NRG1: variants seen among roughly 807,000 people sequenced by gnomAD.
NRG1 encodes pro-neuregulin-1, membrane-bound isoform.
NRG1 carries 18 observed loss-of-function variants against 63.8 expected under a neutral mutation model. The ratio of observed to expected loss-of-function variants is 0.28; its 90% CI spans 0.19 to 0.42. The LOEUF (loss-of-function observed/expected upper bound fraction) is 0.42, where lower values mean the gene tolerates loss of function less well. NRG1 is among the 10% of genes least tolerant of loss of function. The pLI is 1.00. For synonymous variants in NRG1, 302 were observed against 301.3 expected, an observed-to-expected ratio of 1.00 and a Z score of -0.02; for missense variants, 762 against 814.7, an observed-to-expected ratio of 0.94 and a Z score of 0.79.
chr8:32,549,089 G>A (rs376169354), intron 1 of NRG1, among the ~76,000 whole-genome samples: 2 of 152,228 alleles, frequency 1.3e-5, no homozygotes, highest in African/African-American at 4.8e-5. Context: ...AGTCCCGGGA[G>A]CGCTTCGCTC....
chr8:32,691,748 T>A (rs73675419), intron 5 of NRG1, among the ~76,000 whole-genome samples: 2,960 of 152,272 alleles, frequency 0.019, 101 homozygotes, highest in African/African-American at 0.068. Flanking sequence ...ATGGGAATTG[T>A]TGTTGTGATT....
At chr8:32,590,617 G>A (rs1842363918) in intron 1 of NRG1, among the ~76,000 whole-genome samples, 1 of 152,124 alleles carries the variant, frequency 6.6e-6, no homozygotes, top group Non-Finnish European at 1.5e-5. Flanking sequence ...GCCTTATAAA[G>A]TTATTCCTGG....
chr8:32,727,905 G>C (rs3735775), intron 5 of NRG1, 44 bp from the exon 6 acceptor site: 1 of 1,595,186 alleles, frequency 6.3e-7, no homozygotes, highest in Non-Finnish European at 8.6e-7. Flanking sequence ...TTAGAAGGGG[G>C]AAAAAAAGTC....
At chr8:32,101,455 A>G (rs1208425807) in intron 1 of NRG1, among the ~76,000 whole-genome samples, 4 of 148,214 alleles carry the variant, frequency 2.7e-5, no homozygotes, top group Non-Finnish European at 4.5e-5. Context: ...TCTTTTTCAT[A>G]CCTTCTTGTT....
At chr8:32,728,218 T>G in intron 6 of NRG1, 140 bp downstream of exon 6, 1 of 1,471,212 alleles carries the variant, frequency 6.8e-7, no homozygotes, top group Non-Finnish European at 9.0e-7. Context: ...TAGAGTGTTT[T>G]AAAACATTCA....
At chr8:32,282,508 A>G (rs1173453898) in intron 1 of NRG1, among the ~76,000 whole-genome samples, 4 of 152,180 alleles carry the variant, frequency 2.6e-5, no homozygotes, top group Admixed American at 6.5e-5. Flanking sequence ...TTCCTGGTTC[A>G]GAGAGAGCTA....
chr8:32,200,107 G>A (rs891826128), intron 1 of NRG1, among the ~76,000 whole-genome samples: 2 of 152,012 alleles, frequency 1.3e-5, no homozygotes, highest in African/African-American at 4.8e-5. Context: ...GACTCACCAG[G>A]GAATTTTCTT....
intron 1 of NRG1, among the ~76,000 whole-genome samples, chr8:32,368,166 A>G (rs1587124285): frequency 6.6e-6 from 1 of 152,346 alleles, no homozygotes; most frequent in East Asian, 1.9e-4. Flanking sequence ...AAATACTTCC[A>G]AAGAAAAAAG....
chr8:31,699,198 A>ATT (rs11378443), intron 1 of NRG1, among the ~76,000 whole-genome samples: 1 of 151,970 alleles, frequency 6.6e-6, no homozygotes, highest in African/African-American at 2.4e-5. Context: ...AGTTAATAAC[A>ATT]TTTTTTTCCT....
intron 1 of NRG1, among the ~76,000 whole-genome samples, chr8:32,509,430 C>G (rs896680009): frequency 6.6e-6 from 1 of 151,992 alleles, no homozygotes; most frequent in Non-Finnish European, 1.5e-5. Flanking sequence ...ACTTTGTAAT[C>G]TTAAAAAAAA....
At chr8:32,182,213 G>A (rs1483846891) in intron 1 of NRG1, among the ~76,000 whole-genome samples, 1 of 152,046 alleles carries the variant, frequency 6.6e-6, no homozygotes, top group East Asian at 1.9e-4. Context: ...AAAACACAGA[G>A]AGGAGTATGG....
intron 1 of NRG1, among the ~76,000 whole-genome samples, chr8:32,403,554 T>G (rs1367204371): frequency 1.3e-5 from 2 of 152,196 alleles, no homozygotes; most frequent in Non-Finnish European, 2.9e-5. Flanking sequence ...TGTTTGAACC[T>G]GACAAGGAAA....
intron 1 of NRG1, among the ~76,000 whole-genome samples, chr8:32,282,898 TA>T (rs373294000): frequency 4.4e-4 from 67 of 152,208 alleles, no homozygotes; most frequent in African/African-American, 1.6e-3. Context: ...GAAGACAGGT[TA>T]AAAAAGAAAA....
At chr8:32,118,356 C>T (rs769216345) in intron 1 of NRG1, among the ~76,000 whole-genome samples, 3 of 151,460 alleles carry the variant, frequency 2.0e-5, no homozygotes, top group Non-Finnish European at 4.4e-5. Flanking sequence ...TTCCTCTTCC[C>T]CCTCTCTCTC....
chr8:31,923,038 G>A (rs537758881), intron 1 of NRG1, among the ~76,000 whole-genome samples: 1 of 151,900 alleles, frequency 6.6e-6, no homozygotes, highest in Admixed American at 6.6e-5. Flanking sequence ...ATAGAAAGTA[G>A]GCAAGAAGGA....
chr8:32,511,343 G>C (rs912993384), intron 1 of NRG1, among the ~76,000 whole-genome samples: 5 of 140,802 alleles, frequency 3.6e-5, no homozygotes, highest in Admixed American at 7.4e-5. Context: ...GTGTGTGTGT[G>C]TGTCTGTCTG....
At chr8:31,673,479 T>C (rs896963232) in intron 1 of NRG1, among the ~76,000 whole-genome samples, 2 of 152,196 alleles carry the variant, frequency 1.3e-5, no homozygotes, top group African/African-American at 4.8e-5. Context: ...TGGTAGCTAC[T>C]GAGGAAAACC....
In NRG1 at chr8:32,004,237, G is replaced by T. The variant is rs566887988; in HGVS notation, c.37+364806G>T. Among the ~76,000 whole-genome samples the T allele has an allele frequency of 6.9e-4, 105 of 152,056 alleles. 1 individual carries two copies. The highest frequency in any genetic ancestry group is 2.3e-3 in the African/African-American group (97 of 41,528). On this transcript the variant is annotated intron_variant, in intron 1 of 10. Transcript: ENST00000519301. Reference sequence around the variant, plus strand: ...AAGGATTCAGGGACTGGTTGAGGATGGAGAGGGCAGTGGATGGGGAGGGAA... The same window carrying T: ...AAGGATTCAGGGACTGGTTGAGGATTGAGAGGGCAGTGGATGGGGAGGGAA...
At chr8:32,476,303 T>A (rs940910832) in intron 1 of NRG1, among the ~76,000 whole-genome samples, 5 of 152,154 alleles carry the variant, frequency 3.3e-5, no homozygotes, top group Non-Finnish European at 4.4e-5. Flanking sequence ...ATGAAAGGGA[T>A]GATTCATTCT....
Sources: gnomAD v4.1 joint callset for allele counts (sites outside exome capture counted in the v4.1 genomes callset) on GRCh38, gnomAD v4.1.1 for gene constraint, MANE v1.5 for transcripts, NCBI Gene and HGNC (gene_info 2026-07-23, HGNC 2026-07-21) for gene names.